SOX12: variants seen among roughly 807,000 people sequenced by gnomAD.
The protein encoded by SOX12 is transcription factor SOX-12.
A neutral mutation model predicts 21.5 loss-of-function variants in SOX12; 8 were observed. The observed-to-expected ratio is 0.37, with a 90% confidence interval of 0.22 to 0.67. The LOEUF (loss-of-function observed/expected upper bound fraction) is 0.67. SOX12 is among the 30% of genes least tolerant of loss of function. The pLI, the probability that SOX12 is intolerant of heterozygous loss-of-function variation, is 0.56. For synonymous variants in SOX12, 235 were observed against 224.2 expected, an observed-to-expected ratio of 1.05 and a Z score of -0.43; for missense variants, 400 against 482.6, an observed-to-expected ratio of 0.83 and a Z score of 1.60.
In SOX12 at chr20:327,049, A is replaced by G; in HGVS notation, c.*177A>G. 1 of 500,756 alleles carries G rather than the reference A, an allele frequency of 2.0e-6. No individual in the cohort carries two copies. The highest frequency in any genetic ancestry group is 3.5e-6 in the Non-Finnish European group (1 of 287,576). The allele number at this position is 500,756 out of a possible 1,614,324, so 31.0% of individuals were successfully genotyped here. On this transcript the variant is annotated 3_prime_UTR_variant, in exon 1 of 1. Transcript: ENST00000342665. ...TGCCCCTCCCCCGCAGACACACCCC[A>G]AGGCAGCCCAACCCCCACCCCTTCC...
rs775530498 is a variant in SOX12 at position 326,015 on chromosome 20, G to A, written c.91G>A (p.Gly31Ser). ...GGCCGAGGAGGGGGCGCGCGAGCCC[G>A]GCTGGTGCAAGACCCCGAGCGGCCA... is the stretch of plus-strand genomic sequence containing the variant. The part of the protein sequence containing the change: ...GPAEEGAREP[G>S]WCKTPSGHIK... The change falls in exon 1 of 1, where the codon GGC becomes AGC. Residue 31 changes from glycine (G) to serine (S), a missense_variant. By Grantham distance (56) the Gly-to-Ser change is moderately conservative (BLOSUM62 0). Around this residue, in one of 4 missense-constraint regions of SOX12, gnomAD observed 56 missense variants for 51.5 expected, o/e 1.09. Transcript: ENST00000342665. This position sits in a 1 kb window ranked among gnomAD's most constrained non-coding sequence, Gnocchi z 9.9. 4.5e-6 allele frequency: 7 copies of A among 1,542,354 alleles called. No homozygotes were observed. The highest frequency in any genetic ancestry group is 1.2e-5 in the South Asian group (1 of 82,942).
In SOX12 at chr20:330,198, T is replaced by C. The variant is rs967113854; in HGVS notation, c.*3326T>C. The stretch of plus-strand genomic sequence containing the variant: ...TTCCTCTTCTTTTCACAGGTGCTTA[T>C]TCCTAATAAACATCTTGCAACCCAA... On this transcript the variant is annotated 3_prime_UTR_variant, in exon 1 of 1. Coordinates refer to ENST00000342665, the MANE Select transcript of SOX12 (RefSeq NM_006943.4). 6.0e-6 allele frequency: 1 copy of C among 166,866 alleles called. No individual in the cohort carries two copies. The allele number at this position is 166,866 out of a possible 1,614,324, so 10.3% of individuals were successfully genotyped here. A position where few individuals can be genotyped will look rare whatever the true frequency, so the allele number is the denominator to read the frequency against.
chr20:326,791 C>T lies in SOX12; in HGVS notation c.867C>T (p.Asp289=). ...GCACGTCGCACTTCGAGTTCCCGGACTACTGCACCCCCGAGGTTACCGAGA... is the reference window on the plus strand; with the variant it reads ...GCACGTCGCACTTCGAGTTCCCGGATTACTGCACCCCCGAGGTTACCGAGA... The part of the protein sequence containing the change: ...PSGTSHFEFP[D]YCTPEVTEMI... The change falls in exon 1 of 1, where the codon GAC becomes GAT. Residue 289 remains aspartate, a synonymous_variant. Transcript: ENST00000342665. The surrounding 1 kb of genome is among the most constrained non-coding windows in gnomAD (Gnocchi z 9.9). The T allele has an allele frequency of 1.9e-6, 3 of 1,613,696 alleles. No individual in the cohort carries two copies. The highest frequency in any genetic ancestry group is 1.6e-4 in the Middle Eastern group (1 of 6,062).
chr20:328,563 GAC>G lies in SOX12; in HGVS notation c.*1693_*1694del, dbSNP rs1442103762. 2 of 141,076 alleles carry G rather than the reference GAC, an allele frequency of 1.4e-5. No individual in the cohort carries two copies. Among genetic ancestry groups the G allele is most frequent in the African/African-American group, 5.6e-5 (2 of 35,892 alleles). The allele number at this position is 141,076 out of a possible 1,614,324, so 8.7% of individuals were successfully genotyped here. A position where few individuals can be genotyped will look rare whatever the true frequency, so the allele number is the denominator to read the frequency against. On this transcript the variant is annotated 3_prime_UTR_variant, in exon 1 of 1. Transcript: ENST00000342665. ...AAGAAAAACAACAACAACAAAAAAAGACAATGAAAAAAAAAACGTCATGTGAG... is the reference window on the plus strand; with the variant it reads ...AAGAAAAACAACAACAACAAAAAAAGAATGAAAAAAAAAACGTCATGTGAG...
chr20:326,523 C>A lies in SOX12; in HGVS notation c.599C>A (p.Ala200Glu), dbSNP rs1422294179. The change falls in exon 1 of 1, where the codon GCG becomes GAG. Residue 200 changes from alanine to glutamate, a missense_variant. Ala to Glu is a moderately radical substitution (Grantham distance 107). Coordinates refer to ENST00000342665, the MANE Select transcript of SOX12 (RefSeq NM_006943.4). This position sits in a 1 kb window ranked among gnomAD's most constrained non-coding sequence, Gnocchi z 9.9. ...GCGGGACGGGCCGCTCGGGGACAAG[C>A]GGAGCGCGCCCAAGGGCCGTCGGGC... ...VPAGRAARGQ[A>E]ERAQGPSGEG... The A allele has an allele frequency of 6.8e-7, 1 of 1,463,466 alleles. No individual in the cohort carries two copies. Among genetic ancestry groups the A allele is most frequent in the Non-Finnish European group, 8.9e-7 (1 of 1,120,402 alleles). 90.7% of individuals were successfully genotyped at this position (1,463,466 alleles called of 1,614,324 possible). A position where few individuals can be genotyped will look rare whatever the true frequency, so the allele number is the denominator to read the frequency against.
Position 326,015 on chromosome 20 carries a change from G to C in SOX12, c.91G>C (p.Gly31Arg), listed in dbSNP as rs775530498. 3 of 1,542,354 alleles carry C rather than the reference G, an allele frequency of 1.9e-6. No homozygotes were observed. Among genetic ancestry groups the C allele is most frequent in the South Asian group, 1.2e-5 (1 of 82,942 alleles). The change falls in exon 1 of 1, where the codon GGC becomes CGC. Residue 31 changes from glycine to arginine, a missense_variant. This residue lies in a region of SOX12 where 56 missense variants were observed against 51.5 expected (regional missense o/e 1.09). Transcript: ENST00000342665. The surrounding 1 kb of genome is among the most constrained non-coding windows in gnomAD (Gnocchi z 9.9). ...GPAEEGAREP[G>R]WCKTPSGHIK... is the part of the protein sequence containing the mutation. ...GGCCGAGGAGGGGGCGCGCGAGCCC[G>C]GCTGGTGCAAGACCCCGAGCGGCCA...
rs2013076517 is a variant in SOX12, at chr20:325,792, C to T, written c.-133C>T. 4 of 319,486 alleles carry T rather than the reference C, an allele frequency of 1.3e-5. No homozygotes were observed. Among genetic ancestry groups the T allele is most frequent in the Non-Finnish European group, 1.8e-5 (4 of 219,572 alleles). 19.8% of individuals were successfully genotyped at this position (319,486 alleles called of 1,614,324 possible). On this transcript the variant is annotated 5_prime_UTR_variant, in exon 1 of 1. Coordinates refer to ENST00000342665, the MANE Select transcript of SOX12 (RefSeq NM_006943.4). This position sits in a 1 kb window ranked among gnomAD's most constrained non-coding sequence, Gnocchi z 5.0. ...GGCCCGAGCGCCCAGCTCCTCGCTC[C>T]CCAGTTCGCGGGGGCCGGGCCGAGC...
Position 326,964 on chromosome 20 carries a change from C to T in SOX12, c.*92C>T, listed in dbSNP as rs534288341. The T allele has an allele frequency of 2.1e-3, 2,565 of 1,231,750 alleles. 8 individuals carry two copies. The highest frequency in any genetic ancestry group is 2.6e-3 in the Non-Finnish European group (2,189 of 835,068). The allele number at this position is 1,231,750 out of a possible 1,614,324, so 76.3% of individuals were successfully genotyped here. A position where few individuals can be genotyped will look rare whatever the true frequency, so the allele number is the denominator to read the frequency against. ...GCCCCTCGGAGGCCGAGGCTGGCAC[C>T]CCATCTCCCGCGCAGCCTGCCCCCT... On this transcript the variant is annotated 3_prime_UTR_variant, in exon 1 of 1. Coordinates refer to ENST00000342665, the MANE Select transcript of SOX12 (RefSeq NM_006943.4). The surrounding 1 kb of genome is among the most constrained non-coding windows in gnomAD (Gnocchi z 9.9).
Position 328,193 on chromosome 20 carries a change from A to G in SOX12, c.*1321A>G, listed in dbSNP as rs2013134485. The G allele has an allele frequency of 6.0e-6, 1 of 166,882 alleles. No homozygotes were observed. The highest frequency in any genetic ancestry group is 2.4e-5 in the African/African-American group (1 of 41,434). 10.3% of individuals were successfully genotyped at this position (166,882 alleles called of 1,614,324 possible). A position where few individuals can be genotyped will look rare whatever the true frequency, so the allele number is the denominator to read the frequency against. ...CTGCTGTTAGGAGGAAGTTGTGTCC[A>G]GTTCAGGGTGCCCTCGGGAGCCCTG... On this transcript the variant is annotated 3_prime_UTR_variant, in exon 1 of 1. Coordinates refer to ENST00000342665, the MANE Select transcript of SOX12 (RefSeq NM_006943.4).
rs1440883477 is a variant in SOX12, at chr20:328,556, A to G, written c.*1684A>G. 1 of 159,384 alleles carries G rather than the reference A, an allele frequency of 6.3e-6. No individual in the cohort carries two copies. Among genetic ancestry groups the G allele is most frequent in the Non-Finnish European group, 1.5e-5 (1 of 67,512 alleles). The allele number at this position is 159,384 out of a possible 1,614,324, so 9.9% of individuals were successfully genotyped here. A position where few individuals can be genotyped will look rare whatever the true frequency, so the allele number is the denominator to read the frequency against. On this transcript the variant is annotated 3_prime_UTR_variant, in exon 1 of 1. Transcript: ENST00000342665. ...TTTTTTTAAGAAAAACAACAACAAC[A>G]AAAAAAGACAATGAAAAAAAAAACG...
In SOX12 at chr20:329,501, G is replaced by C. The variant is rs892460307; in HGVS notation, c.*2629G>C. On this transcript the variant is annotated 3_prime_UTR_variant, in exon 1 of 1. Coordinates refer to ENST00000342665, the MANE Select transcript of SOX12 (RefSeq NM_006943.4). ...TTCGGGGTGCTGCCTCTCCCTCCCT[G>C]TTTGAATCTGCAGATTGTGTTAGGC... The C allele has an allele frequency of 1.8e-5, 3 of 167,086 alleles. No individual in the cohort carries two copies. The highest frequency in any genetic ancestry group is 1.3e-4 in the Admixed American group (2 of 15,272). 10.4% of individuals were successfully genotyped at this position (167,086 alleles called of 1,614,324 possible).
At position 328,140 on chromosome 20, in the gene SOX12, T is replaced by G. The variant is rs1399037520; in HGVS notation, c.*1268T>G. 1 of 167,004 alleles carries G rather than the reference T, an allele frequency of 6.0e-6. No individual in the cohort carries two copies. Among genetic ancestry groups the G allele is most frequent in the African/African-American group, 2.4e-5 (1 of 41,392 alleles). 10.3% of individuals were successfully genotyped at this position (167,004 alleles called of 1,614,324 possible). On this transcript the variant is annotated 3_prime_UTR_variant, in exon 1 of 1. Transcript: ENST00000342665. ...TAGTGATGGGCCGTTTGCACCTCGG[T>G]TTTTCCACGTGAGAAATGGGGAGAA... is the stretch of plus-strand genomic sequence containing the variant.
Position 327,119 on chromosome 20 carries a change from A to C in SOX12, c.*247A>C. 2.0e-6 allele frequency: 1 copy of C among 496,656 alleles called. No individual in the cohort carries two copies. Among genetic ancestry groups the C allele is most frequent in the Non-Finnish European group, 3.7e-6 (1 of 273,740 alleles). 30.8% of individuals were successfully genotyped at this position (496,656 alleles called of 1,614,324 possible). A position where few individuals can be genotyped will look rare whatever the true frequency, so the allele number is the denominator to read the frequency against. ...CCACGTCGCCCCCTCCTGCACAGCC[A>C]CCAGCAGCCAGCCCCCTCCGATACA... is the stretch of plus-strand genomic sequence containing the variant. On this transcript the variant is annotated 3_prime_UTR_variant, in exon 1 of 1. Transcript: ENST00000342665.
Position 325,905 on chromosome 20 carries a change from C to T in SOX12, c.-20C>T, listed in dbSNP as rs1291082881. 8 of 1,111,274 alleles carry T rather than the reference C, an allele frequency of 7.2e-6. No individual in the cohort carries two copies. Among genetic ancestry groups the T allele is most frequent in the African/African-American group, 6.7e-5 (4 of 59,838 alleles). The allele number at this position is 1,111,274 out of a possible 1,614,324, so 68.8% of individuals were successfully genotyped here. A position where few individuals can be genotyped will look rare whatever the true frequency, so the allele number is the denominator to read the frequency against. On this transcript the variant is annotated 5_prime_UTR_variant, in exon 1 of 1. Transcript: ENST00000342665. This position sits in a 1 kb window ranked among gnomAD's most constrained non-coding sequence, Gnocchi z 5.0. ...GCGGACGGCCCCCGGCGGCGTCTAG[C>T]GGCCCCGGGCCCAGGCGCGATGGTG...
At position 326,944 on chromosome 20, in the gene SOX12, T is replaced by C; in HGVS notation, c.*72T>C. 1 of 1,481,110 alleles carries C rather than the reference T, an allele frequency of 6.8e-7. No homozygotes were observed. The highest frequency in any genetic ancestry group is 9.4e-7 in the Non-Finnish European group (1 of 1,061,240). The allele number at this position is 1,481,110 out of a possible 1,614,324, so 91.7% of individuals were successfully genotyped here. ...TACAGGAATCAGGTATTGGGGCCCC[T>C]CGGAGGCCGAGGCTGGCACCCCATC... On this transcript the variant is annotated 3_prime_UTR_variant, in exon 1 of 1. Coordinates refer to ENST00000342665, the MANE Select transcript of SOX12 (RefSeq NM_006943.4). This position sits in a 1 kb window ranked among gnomAD's most constrained non-coding sequence, Gnocchi z 9.9.
At position 327,975 on chromosome 20, in the gene SOX12, A is replaced by G. The variant is rs1170079274; in HGVS notation, c.*1103A>G. On this transcript the variant is annotated 3_prime_UTR_variant, in exon 1 of 1. Coordinates refer to ENST00000342665, the MANE Select transcript of SOX12 (RefSeq NM_006943.4). ...ACTCAAGCTGCAGTATACAGCGGGA[A>G]AAACTGAGGCACTTTGGTGCTAGGG... 1 of 167,160 alleles carries G rather than the reference A, an allele frequency of 6.0e-6. No individual in the cohort carries two copies. The highest frequency in any genetic ancestry group is 2.4e-5 in the African/African-American group (1 of 41,436). The allele number at this position is 167,160 out of a possible 1,614,324, so 10.4% of individuals were successfully genotyped here. A position where few individuals can be genotyped will look rare whatever the true frequency, so the allele number is the denominator to read the frequency against.
Position 326,643 on chromosome 20 carries a change from G to C in SOX12, c.719G>C (p.Gly240Ala), listed in dbSNP as rs758339680. Residue 240 changes from glycine (G) to alanine (A), a missense_variant, in exon 1 of 1, where the codon GGT (glycine) becomes GCT (alanine). This residue lies in a region of SOX12 where 235 missense variants were observed against 219.3 expected (regional missense o/e 1.07). Transcript: ENST00000342665. This position sits in a 1 kb window ranked among gnomAD's most constrained non-coding sequence, Gnocchi z 9.9. Reference protein sequence around the residue: ...EEEEAAAAEEGEEETVASGEE... With the variant: ...EEEEAAAAEEAEEETVASGEE... ...GAGGAGGCGGCAGCGGCTGAGGAAG[G>C]TGAAGAGGAGACGGTGGCGTCGGGG... 56 of 1,549,582 alleles carry C rather than the reference G, an allele frequency of 3.6e-5. No homozygotes were observed. Among genetic ancestry groups the C allele is most frequent in the Middle Eastern group, 1.7e-4 (1 of 5,788 alleles).
rs963021331 is a variant in SOX12, at chr20:329,369, T to C, written c.*2497T>C. On this transcript the variant is annotated 3_prime_UTR_variant, in exon 1 of 1. Transcript: ENST00000342665. ...CCATGGTGCCCATCGTGTTACTCCATTGTCAGAGGAGGAAACGGGGTCAGG... is the reference window on the plus strand; with the variant it reads ...CCATGGTGCCCATCGTGTTACTCCACTGTCAGAGGAGGAAACGGGGTCAGG... 4 of 167,010 alleles carry C rather than the reference T, an allele frequency of 2.4e-5. No homozygotes were observed. Among genetic ancestry groups the C allele is most frequent in the South Asian group, 2.1e-4 (1 of 4,826 alleles). 10.3% of individuals were successfully genotyped at this position (167,010 alleles called of 1,614,324 possible).
chr20:326,990 C>T lies in SOX12; in HGVS notation c.*118C>T. 1 of 920,438 alleles carries T rather than the reference C, an allele frequency of 1.1e-6. No homozygotes were observed. Among genetic ancestry groups the T allele is most frequent in the Non-Finnish European group, 1.8e-6 (1 of 560,080 alleles). The allele number at this position is 920,438 out of a possible 1,614,324, so 57.0% of individuals were successfully genotyped here. ...CCATCTCCCGCGCAGCCTGCCCCCT[C>T]CTGGACGTGCCCATCCCCCCTCAGA... On this transcript the variant is annotated 3_prime_UTR_variant, in exon 1 of 1. Coordinates refer to ENST00000342665, the MANE Select transcript of SOX12 (RefSeq NM_006943.4). The surrounding 1 kb of genome is among the most constrained non-coding windows in gnomAD (Gnocchi z 9.9).
Sources: allele counts gnomAD v4.1 joint callset, GRCh38; gene constraint gnomAD v4.1.1; regional missense constraint gnomAD v4.1.1; non-coding constraint Gnocchi (gnomAD v3.1); transcripts MANE v1.5; gene names NCBI Gene and HGNC (gene_info 2026-07-23, HGNC 2026-07-21).